The following KCNIP4 variants were observed in gnomAD, a reference collection of about 807,000 sequenced individuals.
KCNIP4 encodes the protein potassium voltage-gated channel interacting protein 4.
In KCNIP4, 12 loss-of-function variants were observed where a neutral mutation model predicts 34.0. The observed-to-expected ratio is 0.35, with a 90% CI of 0.23 to 0.57. KCNIP4 has a LOEUF of 0.57. Ranked by LOEUF, KCNIP4 falls within the 20% of genes least tolerant of loss-of-function variation. The pLI, the probability that KCNIP4 is intolerant of heterozygous loss-of-function variation, is 0.83. For synonymous variants in KCNIP4, 124 were observed against 102.2 expected (o/e 1.21, Z -1.29); for missense variants, 238 against 311.7 (o/e 0.76, Z 1.78).
chr4:20,994,042 T>C (rs1386332981), intron 1 of KCNIP4, among the ~76,000 whole-genome samples: 3 of 152,202 alleles, frequency 2.0e-5, no homozygotes, highest in African/African-American at 7.2e-5. Context: ...CTTTTATCCT[T>C]GTGATTACAT....
intron 1 of KCNIP4, among the ~76,000 whole-genome samples, chr4:21,364,846 A>T (rs1488353011): frequency 6.6e-6 from 1 of 152,196 alleles, no homozygotes; most frequent in East Asian, 1.9e-4. Flanking sequence ...TGTTAGAGGC[A>T]ACTATCTTAG....
At chr4:21,575,513 C>T (rs1374890302) in intron 1 of KCNIP4, among the ~76,000 whole-genome samples, 2 of 152,118 alleles carry the variant, frequency 1.3e-5, no homozygotes, top group African/African-American at 4.8e-5. Flanking sequence ...TTTTCCTTCC[C>T]CTCCCCTTCT....
chr4:21,076,598 G>A (rs1745507839), intron 1 of KCNIP4, among the ~76,000 whole-genome samples: 1 of 152,046 alleles, frequency 6.6e-6, no homozygotes, highest in South Asian at 2.1e-4. Flanking sequence ...TAGGTTCATT[G>A]TAACTCTTCA....
chr4:21,585,342 C>T (rs1347224258), intron 1 of KCNIP4, among the ~76,000 whole-genome samples: 3 of 152,030 alleles, frequency 2.0e-5, no homozygotes, highest in Admixed American at 2.0e-4. Context: ...CTATGCTTCA[C>T]TGAATGAATA....
chr4:21,915,598 T>C (rs1728584839), intron 1 of KCNIP4, among the ~76,000 whole-genome samples: 1 of 152,252 alleles, frequency 6.6e-6, no homozygotes, highest in Non-Finnish European at 1.5e-5. Flanking sequence ...AATACCTTTC[T>C]ATCCCTTTTT....
Position 21,899,402 on chromosome 4 carries a change from C to T in KCNIP4, c.61+49169G>A, listed in dbSNP as rs138865049. Among the ~76,000 whole-genome samples, 455 of 152,156 alleles carry T rather than the reference C, an allele frequency of 3.0e-3. 2 individuals carry two copies. The highest frequency in any genetic ancestry group is 0.01 in the African/African-American group (417 of 41,524). On this transcript the variant is annotated intron_variant, in intron 1 of 8. Transcript: ENST00000382152. ...AAGAAAAGGATGCCCATTTTCACCA[C>T]TGTTATACAATATAGTACTAGAAGT...
intron 1 of KCNIP4, among the ~76,000 whole-genome samples, chr4:21,811,587 A>C (rs1238847976): frequency 6.6e-6 from 1 of 152,178 alleles, no homozygotes; most frequent in Non-Finnish European, 1.5e-5. Context: ...GGAGCTACTC[A>C]TATATGGCCA....
At chr4:21,867,674 C>T (rs1295632616) in intron 1 of KCNIP4, among the ~76,000 whole-genome samples, 1 of 152,194 alleles carries the variant, frequency 6.6e-6, no homozygotes, top group Non-Finnish European at 1.5e-5. Flanking sequence ...AAAACCTCTA[C>T]ATGGAAAAAC....
At chr4:20,963,567 A>T (rs1734064594) in intron 1 of KCNIP4, among the ~76,000 whole-genome samples, 1 of 152,210 alleles carries the variant, frequency 6.6e-6, no homozygotes, top group Admixed American at 6.5e-5. Flanking sequence ...GATTAAAAAA[A>T]AAGTAGTGCA....
intron 3 of KCNIP4, among the ~76,000 whole-genome samples, chr4:20,783,519 C>G (rs944874477): frequency 2.0e-5 from 3 of 152,124 alleles, no homozygotes; most frequent in Non-Finnish European, 4.4e-5. Flanking sequence ...AAGTAGAAAC[C>G]CCTGATAAAA....
At chr4:20,975,586 C>T (rs367948858) in intron 1 of KCNIP4, among the ~76,000 whole-genome samples, 2 of 152,170 alleles carry the variant, frequency 1.3e-5, no homozygotes, top group Admixed American at 6.5e-5. Context: ...AATCACTTGA[C>T]AGTTTGGCAG....
intron 4 of KCNIP4, among the ~76,000 whole-genome samples, chr4:20,757,898 AT>A (rs1197439729): frequency 6.6e-6 from 1 of 152,142 alleles, no homozygotes; most frequent in Admixed American, 6.5e-5. Flanking sequence ...GTCTCTTTTT[AT>A]GTCCTCTCTG....
intron 1 of KCNIP4, among the ~76,000 whole-genome samples, chr4:21,832,575 AT>A (rs1195579333): frequency 2.9e-3 from 106 of 36,328 alleles, no homozygotes; most frequent in Admixed American, 4.7e-3. Context: ...TTTTGTTTTT[AT>A]TTTTTTTATT....
At position 21,947,877 on chromosome 4, in the gene KCNIP4, T is replaced by C. The variant is rs187364911; in HGVS notation, c.61+694A>G. Among the ~76,000 whole-genome samples the C allele has an allele frequency of 1.2e-3, 188 of 152,348 alleles. No individual in the cohort carries two copies. In the Middle Eastern group the frequency reaches 0.027, roughly 22 times the overall value. On this transcript the variant is annotated intron_variant, in intron 1 of 8. Transcript: ENST00000382152. ...AAGGGCATCGTCTCCTATTTCTCTA[T>C]GGATCCCACCAAACAGCAAAACATT... is the stretch of plus-strand genomic sequence containing the variant.
intron 1 of KCNIP4, among the ~76,000 whole-genome samples, chr4:20,974,060 C>T (rs2149681357): frequency 6.6e-6 from 1 of 152,082 alleles, no homozygotes; most frequent in South Asian, 2.1e-4. Context: ...AAAATGGCAC[C>T]AAAAGGCCTG....
intron 1 of KCNIP4, among the ~76,000 whole-genome samples, chr4:21,037,444 C>A (rs1393125207): frequency 6.6e-6 from 1 of 152,182 alleles, no homozygotes; most frequent in Non-Finnish European, 1.5e-5. Context: ...ATACTTACCA[C>A]TGTGTTACAA....
At chr4:21,742,079 G>C (rs772023127) in intron 1 of KCNIP4, among the ~76,000 whole-genome samples, 9 of 151,836 alleles carry the variant, frequency 5.9e-5, no homozygotes, top group Non-Finnish European at 1.3e-4. Flanking sequence ...AAAAATACTA[G>C]AAAAAATGTT....
intron 1 of KCNIP4, among the ~76,000 whole-genome samples, chr4:21,665,848 T>C (rs549872906): frequency 6.6e-6 from 1 of 152,314 alleles, no homozygotes; most frequent in East Asian, 1.9e-4. Flanking sequence ...GCCAACTCCC[T>C]ATATCCCCTG....
At chr4:21,178,808 C>T (rs1482570264) in intron 1 of KCNIP4, among the ~76,000 whole-genome samples, 1 of 146,792 alleles carries the variant, frequency 6.8e-6, no homozygotes, top group Non-Finnish European at 1.5e-5. Flanking sequence ...TGTCTTCTAA[C>T]ACCAAACTTT....
Sources: allele counts gnomAD v4.1 joint callset (sites outside exome capture counted in the v4.1 genomes callset), GRCh38; gene constraint gnomAD v4.1.1; transcripts MANE v1.5; gene names NCBI Gene and HGNC (gene_info 2026-07-23, HGNC 2026-07-21).